Variants in TET3 observed in about 807,000 individuals in gnomAD.
TET3 encodes methylcytosine dioxygenase TET3.
Under a neutral mutation model 141.4 loss-of-function variants are expected in TET3, and 19 were observed. The ratio of observed to expected loss-of-function variants is 0.13; its 90% confidence interval spans 0.09 to 0.20. TET3 has a LOEUF of 0.20. TET3 is among the 10% of genes least tolerant of loss of function. The pLI, the probability that TET3 is intolerant of heterozygous loss-of-function variation, is 1.00. For synonymous variants in TET3, 1,043 were observed against 980.9 expected (o/e 1.06, Z -1.18); for missense variants, 1,874 against 2,356.9 (o/e 0.80, Z 4.24).
chr2:74,098,928 C>T (rs1558792946), intron 10 of TET3, among the ~76,000 whole-genome samples: 1 of 152,202 alleles, frequency 6.6e-6, no homozygotes, highest in Non-Finnish European at 1.5e-5. Context: ...ACGGTCTGAG[C>T]TTCACTGGGC....
chr2:74,131,409 C>T, the TET3 span, among the ~76,000 whole-genome samples: 3 of 152,330 alleles, frequency 2.0e-5, no homozygotes, highest in East Asian at 1.9e-4. Context: ...ATTCACTCAC[C>T]TTTCCCACTC....
intron 2 of TET3, chr2:73,993,479 A>G (rs1684433486): frequency 6.6e-6 from 1 of 152,250 alleles, no homozygotes; most frequent in Admixed American, 6.5e-5. Context: ...CAACATCTCT[A>G]TGACCAGAAG....
intron 3 of TET3, among the ~76,000 whole-genome samples, chr2:74,041,397 G>T (rs1469034536): frequency 1.3e-5 from 2 of 152,148 alleles, no homozygotes; most frequent in Admixed American, 1.3e-4. Flanking sequence ...TGCCCAGAGG[G>T]TGCGGCCCCA....
At chr2:74,112,294 A>G (rs1275097691), downstream of TET3, among the ~76,000 whole-genome samples, 10 of 152,054 alleles carry the variant, frequency 6.6e-5, no homozygotes, top group Non-Finnish European at 1.2e-4. Flanking sequence ...GTGGCCTCTC[A>G]AATATGAAGG....
chr2:74,088,075 A>G lies in TET3; in HGVS notation c.2888+37A>G, dbSNP rs903330270. 8 of 1,542,560 alleles carry G rather than the reference A, an allele frequency of 5.2e-6. No homozygotes were observed. The African/African-American group carries it at 8.2e-5, about 16-fold the overall frequency. On this transcript the variant is annotated intron_variant, in intron 7 of 11. Transcript: ENST00000409262. ...AGGGCTTCAGGGCCAGGGCCCACCTATAGGGTCCTGGGCAGCAAATACAGG... is the reference window on the plus strand; with the variant it reads ...AGGGCTTCAGGGCCAGGGCCCACCTGTAGGGTCCTGGGCAGCAAATACAGG...
chr2:74,045,861 C>G (rs934912266), intron 3 of TET3, among the ~76,000 whole-genome samples: 1 of 152,208 alleles, frequency 6.6e-6, no homozygotes, highest in Non-Finnish European at 1.5e-5. Context: ...ACTTAGAGCA[C>G]GTGTGTACAC....
intron 1 of TET3, among the ~76,000 whole-genome samples, 194 bp downstream of exon 1, chr2:73,985,351 G>A (rs1353829651): frequency 3.5e-5 from 5 of 143,120 alleles, no homozygotes; most frequent in Admixed American, 2.7e-4. Context: ...GGCGGGGGCG[G>A]GGGCTGCGAA....
chr2:74,114,204 A>T, the TET3 span, among the ~76,000 whole-genome samples: 1 of 152,300 alleles, frequency 6.6e-6, no homozygotes, highest in South Asian at 2.1e-4. Context: ...TCACTGGGGA[A>T]AGGACAATCT....
rs1294721501 is a variant in TET3, at chr2:74,099,336, C to T, written c.3328C>T (p.Leu1110=). Residue 1110 remains leucine (L), a synonymous_variant, in exon 11 of 12, where the codon CTG becomes TTG. Coordinates refer to ENST00000409262, the MANE Select transcript of TET3 (RefSeq NM_001287491.2). The part of the protein sequence containing the change: ...CVGKIPEDEQ[L]HVLPLYKMAN... Reference sequence around the variant, plus strand: ...GGGCAAGATTCCCGAGGATGAGCAGCTGCATGTTCTCCCCCTGTACAAGAT... The same window carrying T: ...GGGCAAGATTCCCGAGGATGAGCAGTTGCATGTTCTCCCCCTGTACAAGAT... The T allele has an allele frequency of 3.1e-6, 5 of 1,613,116 alleles. No individual in the cohort carries two copies. In the South Asian group the frequency reaches 3.3e-5, roughly 11 times the overall value.
intron 4 of TET3, among the ~76,000 whole-genome samples, chr2:74,062,730 T>C (rs1048416484): frequency 3.9e-5 from 6 of 152,150 alleles, no homozygotes; most frequent in African/African-American, 1.4e-4. Context: ...GAAATATATG[T>C]TATAACAATG....
At chr2:73,992,290 A>G (rs889870820) in intron 2 of TET3, among the ~76,000 whole-genome samples, 13 of 108,242 alleles carry the variant, frequency 1.2e-4, no homozygotes, top group Admixed American at 7.1e-4. Context: ...CAAAATCACA[A>G]TCTTTTTTTC....
intron 4 of TET3, among the ~76,000 whole-genome samples, chr2:74,062,675 C>T (rs1413292700): frequency 1.3e-5 from 2 of 151,852 alleles, no homozygotes; most frequent in Non-Finnish European, 2.9e-5. Flanking sequence ...CTGCAGCAAA[C>T]GAGGAAGACA....
At position 74,101,750 on chromosome 2, in the gene TET3, G is replaced by A. The variant is rs749600401; in HGVS notation, c.4962G>A (p.Val1654=). 5 of 1,613,120 alleles carry A rather than the reference G, an allele frequency of 3.1e-6. No homozygotes were observed. The Admixed American group carries it at 6.7e-5, about 22-fold the overall frequency. ...HNFLDENIGG[V]AVAPAHGSIL... is the part of the protein sequence containing the mutation. The stretch of plus-strand genomic sequence containing the variant: ...TCCTGGACGAGAACATCGGCGGCGT[G>A]GCCGTGGCCCCAGCCCACGGCTCCA... Residue 1654 remains valine (V), a synonymous_variant, in exon 12 of 12, where the codon GTG becomes GTA. Coordinates refer to ENST00000409262, the MANE Select transcript of TET3 (RefSeq NM_001287491.2). The surrounding 1 kb of genome is among the most constrained non-coding windows in gnomAD (Gnocchi z 8.5).
chr2:74,123,650 C>T, the TET3 span, among the ~76,000 whole-genome samples: 2 of 152,184 alleles, frequency 1.3e-5, no homozygotes, highest in South Asian at 2.1e-4. Flanking sequence ...CCCAAAGTGC[C>T]GAGGTTGCAG....
At chr2:74,120,913 T>C in the TET3 span, 1 of 152,262 alleles carries the variant, frequency 6.6e-6, no homozygotes, top group South Asian at 2.1e-4. Flanking sequence ...GTTATCTTCT[T>C]TGAGGTCTTG....
intron 4 of TET3, among the ~76,000 whole-genome samples, chr2:74,069,330 T>C (rs942157397): frequency 1.3e-5 from 2 of 148,718 alleles, no homozygotes; most frequent in Admixed American, 1.4e-4. Flanking sequence ...GGCTAGATCA[T>C]ACAGTTTTTA....
chr2:74,036,556 G>A (rs1687072343), intron 3 of TET3, among the ~76,000 whole-genome samples: 2 of 152,180 alleles, frequency 1.3e-5, no homozygotes, highest in Non-Finnish European at 2.9e-5. Context: ...AGAGTACTTA[G>A]TGGTTAAAAA....
intron 3 of TET3, among the ~76,000 whole-genome samples, chr2:74,015,539 G>A (rs1685684993): frequency 6.6e-6 from 1 of 152,110 alleles, no homozygotes. Flanking sequence ...ATAGGTTGAA[G>A]ACACCTTTCC....
the TET3 span, among the ~76,000 whole-genome samples, chr2:74,123,723 G>A: frequency 1.0e-3 from 158 of 151,508 alleles, 4 homozygotes; most frequent in East Asian, 0.027. Context: ...GCCGCCCATC[G>A]TCAGGGATGT....
Sources: allele counts gnomAD v4.1 joint callset (sites outside exome capture counted in the v4.1 genomes callset), GRCh38; gene constraint gnomAD v4.1.1; non-coding constraint Gnocchi (gnomAD v3.1); transcripts MANE v1.5; gene names NCBI Gene and HGNC (gene_info 2026-07-23, HGNC 2026-07-21).